Variants in NDNF observed in about 807,000 individuals in gnomAD.
NDNF encodes the protein protein NDNF.
NDNF carries 16 observed loss-of-function variants against 42.0 expected under a neutral mutation model. The ratio of observed to expected loss-of-function variants is 0.38; its 90% CI spans 0.26 to 0.58. The LOEUF (loss-of-function observed/expected upper bound fraction) is 0.58. Among genes scored for constraint, NDNF ranks in the 20% least tolerant of loss-of-function variants. NDNF has a pLI of 0.67. For missense variants in NDNF, 616 were observed against 666.2 expected (o/e 0.92, Z 0.83); for synonymous variants, 248 against 251.7 (o/e 0.99, Z 0.14).
intron 2 of NDNF, 121 bp from the exon 3 acceptor site, chr4:121,040,175 C>A: frequency 2.0e-6 from 2 of 980,230 alleles, no homozygotes; most frequent in Non-Finnish European, 2.9e-6. Context: ...ATAAAATTTT[C>A]ATAAAATGTC....
At chr4:121,047,061 G>C (rs1727106829) in intron 1 of NDNF, among the ~76,000 whole-genome samples, 1 of 152,182 alleles carries the variant, frequency 6.6e-6, no homozygotes, top group South Asian at 2.1e-4. Flanking sequence ...TCAAGATGAA[G>C]TGAATGCCAG....
At chr4:121,066,534 T>C (rs910454792) in intron 1 of NDNF, among the ~76,000 whole-genome samples, 3 of 152,218 alleles carry the variant, frequency 2.0e-5, no homozygotes, top group Admixed American at 6.5e-5. Flanking sequence ...TACCCCTAAC[T>C]GTCTGCCAAC....
In NDNF at chr4:121,037,677, C is replaced by T; in HGVS notation, c.314-20G>A. 1 of 1,549,080 alleles carries T rather than the reference C, an allele frequency of 6.5e-7. No homozygotes were observed. Among genetic ancestry groups the T allele is most frequent in the Middle Eastern group, 1.7e-4 (1 of 5,776 alleles). On this transcript the variant is annotated intron_variant, in intron 3 of 3. Coordinates refer to ENST00000379692, the MANE Select transcript of NDNF (RefSeq NM_024574.4). ...GATCACCTAGAAAATACAGGAGAAG[C>T]ACAGGCTACTGTCAGGGCATACACT...
chr4:121,059,229 C>T (rs1727356028), intron 1 of NDNF, among the ~76,000 whole-genome samples: 1 of 152,164 alleles, frequency 6.6e-6, no homozygotes, highest in African/African-American at 2.4e-5. Context: ...AGGAATCCTA[C>T]ATATATCTAC....
At chr4:121,063,440 T>A (rs1013208098) in intron 1 of NDNF, among the ~76,000 whole-genome samples, 3 of 152,174 alleles carry the variant, frequency 2.0e-5, no homozygotes, top group Admixed American at 6.5e-5. Context: ...ATTACACATA[T>A]GTGCACATAA....
chr4:121,043,102 A>G (rs1203438920), intron 2 of NDNF, among the ~76,000 whole-genome samples: 1 of 152,206 alleles, frequency 6.6e-6, no homozygotes, highest in African/African-American at 2.4e-5. Flanking sequence ...GAAGAGAGTG[A>G]CAATCAGAGA....
At chr4:121,048,284 T>A (rs1727129193) in intron 1 of NDNF, among the ~76,000 whole-genome samples, 1 of 152,162 alleles carries the variant, frequency 6.6e-6, no homozygotes, top group African/African-American at 2.4e-5. Flanking sequence ...AAACATGCTA[T>A]CAGAGCACTT....
At chr4:121,068,775 C>A (rs1182066576) in intron 1 of NDNF, among the ~76,000 whole-genome samples, 1 of 151,952 alleles carries the variant, frequency 6.6e-6, no homozygotes, top group East Asian at 1.9e-4. Flanking sequence ...CATGGAGAAA[C>A]TAAGGAAAGG....
At chr4:121,060,778 G>A (rs1055295092) in intron 1 of NDNF, among the ~76,000 whole-genome samples, 5 of 152,144 alleles carry the variant, frequency 3.3e-5, no homozygotes, top group Non-Finnish European at 7.3e-5. Flanking sequence ...TGATGGTCTG[G>A]AAGCTTCAAC....
rs1337039418 is a variant in NDNF, at chr4:121,058,946, T to A, written c.-2+13047A>T. Among the ~76,000 whole-genome samples the A allele has an allele frequency of 2.0e-5, 3 of 151,650 alleles. No homozygotes were observed. In the East Asian group the frequency reaches 5.8e-4, roughly 29 times the overall value. The stretch of plus-strand genomic sequence containing the variant: ...GTCTACGGCCCATGAGGTCCTTCAC[T>A]CTCAAGCCCTGCACTCTACCACACT... On this transcript the variant is annotated intron_variant, in intron 1 of 3. Coordinates refer to ENST00000379692, the MANE Select transcript of NDNF (RefSeq NM_024574.4).
chr4:121,071,972 T>G (rs1727613326), intron 1 of NDNF, 21 bp downstream of exon 1: 1 of 152,044 alleles, frequency 6.6e-6, no homozygotes, highest in Non-Finnish European at 1.5e-5. Flanking sequence ...TCTGGGGCAT[T>G]GCTTTCCTCT....
At chr4:121,054,971 A>AGGTGTGTGCCAC (rs2148768569) in intron 1 of NDNF, among the ~76,000 whole-genome samples, 1 of 151,290 alleles carries the variant, frequency 6.6e-6, no homozygotes, top group South Asian at 2.1e-4. Context: ...CTGGGACTAC[A>AGGTGTGTGCCAC]GGTGTGTGCC....
chr4:121,043,824 G>A (rs921323718), intron 2 of NDNF, among the ~76,000 whole-genome samples: 4 of 152,142 alleles, frequency 2.6e-5, no homozygotes, highest in Non-Finnish European at 4.4e-5. Flanking sequence ...TCACTCACAC[G>A]TAAATTTCAA....
rs1726858426 is a variant in NDNF at position 121,036,071 on chromosome 4, A to G, written c.*193T>C. 4 of 553,188 alleles carry G rather than the reference A, an allele frequency of 7.2e-6. No homozygotes were observed. Among genetic ancestry groups the G allele is most frequent in the Admixed American group, 3.6e-5 (1 of 27,564 alleles). 34.3% of individuals were successfully genotyped at this position (553,188 alleles called of 1,614,324 possible). ...CGGCATCAGACACACACTAGGTACC[A>G]TGGGGCACGCTAGAACAAGTCTCCT... On this transcript the variant is annotated 3_prime_UTR_variant, in exon 4 of 4. Coordinates refer to ENST00000379692, the MANE Select transcript of NDNF (RefSeq NM_024574.4).
intron 1 of NDNF, among the ~76,000 whole-genome samples, chr4:121,063,327 T>C (rs1239428431): frequency 2.6e-5 from 4 of 152,228 alleles, no homozygotes; most frequent in African/African-American, 9.6e-5. Flanking sequence ...GTTATTTTTC[T>C]AATCCCAAAT....
At chr4:121,042,802 G>T (rs1183810961) in intron 2 of NDNF, among the ~76,000 whole-genome samples, 2 of 152,136 alleles carry the variant, frequency 1.3e-5, no homozygotes, top group Non-Finnish European at 2.9e-5. Context: ...CGGCACAGAA[G>T]AAAACAATGT....
At chr4:121,045,624 T>G in intron 2 of NDNF, 26 bp downstream of exon 2, 1 of 1,593,062 alleles carries the variant, frequency 6.3e-7, no homozygotes, top group East Asian at 2.2e-5. Flanking sequence ...AGCTTTTTAA[T>G]AAAGAAAATA....
At chr4:121,048,904 G>A (rs1283530359) in intron 1 of NDNF, among the ~76,000 whole-genome samples, 1 of 152,114 alleles carries the variant, frequency 6.6e-6, no homozygotes, top group Non-Finnish European at 1.5e-5. Flanking sequence ...CACATGCCAG[G>A]CATTCTTCTA....
intron 1 of NDNF, among the ~76,000 whole-genome samples, chr4:121,061,920 A>G (rs555247405): frequency 1.3e-5 from 2 of 152,332 alleles, no homozygotes; most frequent in African/African-American, 4.8e-5. Context: ...CATCTACAAA[A>G]TGGAGACAAT....
Sources: gnomAD v4.1 joint callset for allele counts (sites outside exome capture counted in the v4.1 genomes callset) on GRCh38, gnomAD v4.1.1 for gene constraint, MANE v1.5 for transcripts, NCBI Gene and HGNC (gene_info 2026-07-23, HGNC 2026-07-21) for gene names.